The following CDH7 variants were observed in gnomAD, a reference collection of about 807,000 sequenced individuals.
The protein encoded by CDH7 is cadherin-7.
Under a neutral mutation model 71.8 loss-of-function variants are expected in CDH7, and 25 were observed. That is an observed-to-expected ratio of 0.35 (90% CI 0.25 to 0.49). The LOEUF is 0.49. Ranked by LOEUF, CDH7 falls within the 20% of genes least tolerant of loss-of-function variation. The probability of loss-of-function intolerance (pLI) is 0.99; values close to 1 mark genes in which losing one functional copy is unlikely to be tolerated. For missense variants in CDH7, 862 were observed against 974.6 expected (o/e 0.88, Z 1.54); for synonymous variants, 381 against 363.8 (o/e 1.05, Z -0.54).
At chr18:65,857,495 T>C (rs1028515435) in intron 7 of CDH7, among the ~76,000 whole-genome samples, 12 of 151,614 alleles carry the variant, frequency 7.9e-5, no homozygotes, top group Non-Finnish European at 1.5e-4. Context: ...AGCAAGACCC[T>C]GTATCAAAAA....
chr18:65,849,229 T>C (rs1038367007), intron 7 of CDH7, among the ~76,000 whole-genome samples: 3 of 152,104 alleles, frequency 2.0e-5, no homozygotes, highest in Non-Finnish European at 4.4e-5. Flanking sequence ...TATATGTTCA[T>C]GTATGGTGAA....
intron 1 of CDH7, among the ~76,000 whole-genome samples, 189 bp from the exon 2 acceptor site, chr18:65,762,458 C>G (rs1916218746): frequency 1.3e-5 from 2 of 151,942 alleles, no homozygotes; most frequent in South Asian, 4.1e-4. Context: ...ATGTAATTCA[C>G]AAATATATCA....
intron 2 of CDH7, among the ~76,000 whole-genome samples, chr18:65,766,927 A>G (rs1489042155): frequency 2.4e-5 from 3 of 126,486 alleles, no homozygotes; most frequent in Non-Finnish European, 3.3e-5. Flanking sequence ...AAAAAAGTCT[A>G]CAAAACCACT....
chr18:65,751,827 A>G (rs141866168), intron 1 of CDH7, among the ~76,000 whole-genome samples: 1 of 152,338 alleles, frequency 6.6e-6, no homozygotes, highest in Non-Finnish European at 1.5e-5. Context: ...ATGGGTGCAC[A>G]TGGTACACTG....
At chr18:65,837,907 T>C (rs1912587798) in intron 6 of CDH7, among the ~76,000 whole-genome samples, 1 of 147,252 alleles carries the variant, frequency 6.8e-6, no homozygotes, top group Admixed American at 7.2e-5. Flanking sequence ...AGTATGTTTA[T>C]TTAGAGATTT....
At chr18:65,838,318 A>C (rs550076159) in intron 6 of CDH7, among the ~76,000 whole-genome samples, 1 of 152,330 alleles carries the variant, frequency 6.6e-6, no homozygotes, top group South Asian at 2.1e-4. Context: ...AAAGATTTAC[A>C]TTTATTTGTT....
intron 1 of CDH7, among the ~76,000 whole-genome samples, chr18:65,760,228 A>G (rs908222525): frequency 3.3e-5 from 5 of 152,196 alleles, no homozygotes; most frequent in African/African-American, 1.2e-4. Flanking sequence ...CCTATGAAGT[A>G]GATGCCATTA....
chr18:65,839,359 G>A (rs1450421778), intron 6 of CDH7, among the ~76,000 whole-genome samples: 1 of 152,072 alleles, frequency 6.6e-6, no homozygotes, highest in East Asian at 1.9e-4. Flanking sequence ...CATATCCTGT[G>A]TCCTCTCATG....
At chr18:65,782,187 T>A (rs148195673) in intron 2 of CDH7, among the ~76,000 whole-genome samples, 2 of 71,304 alleles carry the variant, frequency 2.8e-5, no homozygotes, top group Admixed American at 1.3e-4. Context: ...TCTTTCTTTC[T>A]TGACAGAGTC....
intron 2 of CDH7, among the ~76,000 whole-genome samples, chr18:65,787,853 T>A (rs1175279861): frequency 6.6e-6 from 1 of 152,014 alleles, no homozygotes; most frequent in Non-Finnish European, 1.5e-5. Flanking sequence ...GACTATTCAG[T>A]CAGTAGATAT....
Position 65,883,717 on chromosome 18 carries a change from T to C in CDH7, c.*2823T>C, listed in dbSNP as rs1202339475. 1.3e-5 allele frequency: 2 copies of C among 152,098 alleles called. No individual in the cohort carries two copies. The highest frequency in any genetic ancestry group is 2.1e-4 in the South Asian group (1 of 4,832). The allele number at this position is 152,098 out of a possible 1,614,324, so 9.4% of individuals were successfully genotyped here. On this transcript the variant is annotated 3_prime_UTR_variant, in exon 12 of 12. Coordinates refer to ENST00000397968, the MANE Select transcript of CDH7 (RefSeq NM_004361.5). Reference sequence around the variant, plus strand: ...TCTCTGGAGAACAAGTTGTTAAACATTTACCAGCACTCTACTGCTTAAATT... The same window carrying C: ...TCTCTGGAGAACAAGTTGTTAAACACTTACCAGCACTCTACTGCTTAAATT...
intron 2 of CDH7, among the ~76,000 whole-genome samples, chr18:65,793,820 A>G (rs979592425): frequency 5.3e-5 from 8 of 152,156 alleles, no homozygotes; most frequent in Non-Finnish European, 1.0e-4. Flanking sequence ...AACACATAAT[A>G]TTCATGACTT....
At chr18:65,757,011 G>T (rs2143774024) in intron 1 of CDH7, among the ~76,000 whole-genome samples, 1 of 150,756 alleles carries the variant, frequency 6.6e-6, no homozygotes, top group African/African-American at 2.4e-5. Context: ...TCGCAATTTT[G>T]CTGATTAGTA....
intron 2 of CDH7, among the ~76,000 whole-genome samples, chr18:65,776,382 A>G (rs1448702025): frequency 2.7e-5 from 4 of 150,124 alleles, no homozygotes; most frequent in Non-Finnish European, 5.9e-5. Context: ...ACACACACAC[A>G]CACACACACA....
intron 11 of CDH7, among the ~76,000 whole-genome samples, chr18:65,878,371 A>G (rs1914129823): frequency 6.6e-6 from 1 of 152,164 alleles, no homozygotes; most frequent in Non-Finnish European, 1.5e-5. Context: ...ATTATCATAT[A>G]TTGCTAATTT....
At position 65,887,858 on chromosome 18, in the gene CDH7, AACAC is replaced by A. The variant is rs1914411703; in HGVS notation, c.*6968_*6971del. On this transcript the variant is annotated 3_prime_UTR_variant, in exon 12 of 12. Transcript: ENST00000397968. ...AGGAACGAACAATTCACATTAGTAA[AACAC>A]ACAGCATTACTTTCAATGAAACTAT... 6.6e-6 allele frequency: 1 copy of A among 152,158 alleles called. No individual in the cohort carries two copies. The highest frequency in any genetic ancestry group is 2.4e-5 in the African/African-American group (1 of 41,446). 9.4% of individuals were successfully genotyped at this position (152,158 alleles called of 1,614,324 possible). A position where few individuals can be genotyped will look rare whatever the true frequency, so the allele number is the denominator to read the frequency against.
intron 10 of CDH7, 55 bp downstream of exon 10, chr18:65,859,880 A>G (rs896410786): frequency 2.9e-6 from 3 of 1,040,154 alleles, no homozygotes; most frequent in Non-Finnish European, 4.5e-6. Flanking sequence ...ACTCTAAGCA[A>G]GTATTTTTCT....
rs1041492375 is a variant in CDH7 at position 65,890,110 on chromosome 18, CTT to C, written c.*9217_*9218del. ...CTCCCATTTTTTAATGGTAGCTTAA[CTT>C]CACCTGAAGCCTCCTATGCCACTAT... On this transcript the variant is annotated 3_prime_UTR_variant, in exon 12 of 12. Transcript: ENST00000397968. The C allele has an allele frequency of 3.3e-5, 5 of 152,096 alleles. No homozygotes were observed. Among genetic ancestry groups the C allele is most frequent in the Non-Finnish European group, 5.9e-5 (4 of 68,012 alleles). 9.4% of individuals were successfully genotyped at this position (152,096 alleles called of 1,614,324 possible).
At chr18:65,828,226 CA>C (rs1161265261) in intron 6 of CDH7, among the ~76,000 whole-genome samples, 1 of 151,978 alleles carries the variant, frequency 6.6e-6, no homozygotes, top group Non-Finnish European at 1.5e-5. Context: ...CAAACATAAA[CA>C]AATAATTTAT....
Sources: gnomAD v4.1 joint callset for allele counts (sites outside exome capture counted in the v4.1 genomes callset) on GRCh38, gnomAD v4.1.1 for gene constraint, MANE v1.5 for transcripts, NCBI Gene and HGNC (gene_info 2026-07-23, HGNC 2026-07-21) for gene names.